TMEM132D: variants seen among roughly 807,000 people sequenced by gnomAD.
The protein encoded by TMEM132D is mature OL transmembrane protein.
TMEM132D carries 21 observed loss-of-function variants against 62.3 expected under a neutral mutation model. The ratio of observed to expected loss-of-function variants is 0.34; its 90% confidence interval spans 0.24 to 0.49. The LOEUF (loss-of-function observed/expected upper bound fraction) is 0.49, where lower values mean the gene tolerates loss of function less well. Among genes scored for constraint, TMEM132D ranks in the 20% least tolerant of loss-of-function variants. The pLI is 0.99. For missense variants in TMEM132D, 1,346 were observed against 1,402.8 expected, an observed-to-expected ratio of 0.96 and a Z score of 0.65; for synonymous variants, 621 against 575.6, an observed-to-expected ratio of 1.08 and a Z score of -1.13.
intron 2 of TMEM132D, among the ~76,000 whole-genome samples, chr12:129,621,234 T>C (rs1879058256): frequency 6.6e-6 from 1 of 152,166 alleles, no homozygotes; most frequent in Non-Finnish European, 1.5e-5. Context: ...GCGCTCTGCA[T>C]AGTGTGCCCT....
At position 129,262,614 on chromosome 12, in the gene TMEM132D, CTT is replaced by C. The variant is rs1449458292; in HGVS notation, c.1300-52953_1300-52952del. ...AAATCTGTATTTTTATGCATAATCT[CTT>C]ATGTTTTGAATACTGATGAGTAATT... On this transcript the variant is annotated intron_variant, in intron 4 of 8. Transcript: ENST00000422113. The C allele has an allele frequency of 3.3e-5, 5 of 152,300 alleles. No individual in the cohort carries two copies. In the South Asian group the frequency reaches 8.3e-4, roughly 25 times the overall value. The allele number at this position is 152,300 out of a possible 1,614,324, so 9.4% of individuals were successfully genotyped here.
At chr12:129,708,916 T>G (rs1000813336) in intron 1 of TMEM132D, among the ~76,000 whole-genome samples, 1 of 152,066 alleles carries the variant, frequency 6.6e-6, no homozygotes, top group Non-Finnish European at 1.5e-5. Context: ...AAAAACCACA[T>G]CACATGTCCT....
At chr12:129,807,243 C>T (rs1872021890) in intron 1 of TMEM132D, among the ~76,000 whole-genome samples, 1 of 152,130 alleles carries the variant, frequency 6.6e-6, no homozygotes, top group South Asian at 2.1e-4. Context: ...AAGCCTGTCC[C>T]CAGGGAGCGG....
intron 1 of TMEM132D, among the ~76,000 whole-genome samples, chr12:129,838,459 C>T (rs1002232042): frequency 1.3e-5 from 2 of 152,220 alleles, no homozygotes; most frequent in Admixed American, 6.5e-5. Context: ...CTTTTCCCTA[C>T]ATCTGATTCC....
chr12:129,852,981 T>G (rs1251338345), intron 1 of TMEM132D: 1 of 152,166 alleles, frequency 6.6e-6, no homozygotes, highest in African/African-American at 2.4e-5. Context: ...AAAATATTAC[T>G]CTTTAATTCA....
At chr12:129,524,920 C>CTCTTT (rs1875968778) in intron 3 of TMEM132D, among the ~76,000 whole-genome samples, 2 of 92,170 alleles carry the variant, frequency 2.2e-5, no homozygotes, top group African/African-American at 8.9e-5. Context: ...ATATTTTTTT[C>CTCTTT]TTTTTTCTTT....
intron 1 of TMEM132D, among the ~76,000 whole-genome samples, chr12:129,776,063 G>T (rs762931850): frequency 1.3e-5 from 2 of 152,050 alleles, no homozygotes; most frequent in Admixed American, 1.3e-4. Flanking sequence ...ATATTGTGTC[G>T]TGCTGGTGAT....
intron 5 of TMEM132D, among the ~76,000 whole-genome samples, chr12:129,140,214 C>CCCCA (rs1876698669): frequency 6.7e-6 from 1 of 148,552 alleles, no homozygotes; most frequent in African/African-American, 2.5e-5. Context: ...GGCGCTGTTA[C>CCCCA]CACACACACA....
chr12:129,870,481 G>A (rs974261971), intron 1 of TMEM132D, among the ~76,000 whole-genome samples: 1 of 152,192 alleles, frequency 6.6e-6, no homozygotes, highest in Non-Finnish European at 1.5e-5. Flanking sequence ...GCTCAGCAGA[G>A]CTTCCTGGTG....
At chr12:129,223,926 T>G (rs959906518) in intron 4 of TMEM132D, among the ~76,000 whole-genome samples, 1 of 152,204 alleles carries the variant, frequency 6.6e-6, no homozygotes, top group Non-Finnish European at 1.5e-5. Flanking sequence ...CTATTGATAT[T>G]TTGGGCTGCA....
At chr12:129,752,895 C>G (rs1416409398) in intron 1 of TMEM132D, among the ~76,000 whole-genome samples, 2 of 152,160 alleles carry the variant, frequency 1.3e-5, no homozygotes, top group African/African-American at 4.8e-5. Flanking sequence ...ATTGACATTT[C>G]CACCAAAACT....
At chr12:129,317,858 T>C (rs1428763074) in intron 4 of TMEM132D, among the ~76,000 whole-genome samples, 2 of 152,190 alleles carry the variant, frequency 1.3e-5, no homozygotes, top group Non-Finnish European at 2.9e-5. Flanking sequence ...TTTTTCTTTG[T>C]CTTTGTTGGG....
At chr12:129,246,410 T>C (rs892513488) in intron 4 of TMEM132D, among the ~76,000 whole-genome samples, 1 of 152,054 alleles carries the variant, frequency 6.6e-6, no homozygotes. Context: ...AAAGAGAAGC[T>C]GAACCTGACG....
At chr12:129,410,997 AT>A (rs56139128) in intron 3 of TMEM132D, among the ~76,000 whole-genome samples, 103,752 of 151,710 alleles carry the variant, frequency 0.68, 36,227 homozygotes, top group East Asian at 0.89. Flanking sequence ...TTCATTTTAA[AT>A]TTTTTTATCA....
At chr12:129,828,770 G>A (rs1472552292) in intron 1 of TMEM132D, among the ~76,000 whole-genome samples, 1 of 112,030 alleles carries the variant, frequency 8.9e-6, no homozygotes, top group African/African-American at 3.3e-5. Context: ...GAGGGAGGGA[G>A]GGAGGAAGAA....
At chr12:129,385,143 G>A (rs1871075051) in intron 3 of TMEM132D, among the ~76,000 whole-genome samples, 1 of 133,428 alleles carries the variant, frequency 7.5e-6, no homozygotes, top group Non-Finnish European at 1.5e-5. Flanking sequence ...CACCCAGGCT[G>A]GAGTGCAGTA....
chr12:129,683,448 G>T (rs12426553), intron 2 of TMEM132D, among the ~76,000 whole-genome samples: 3,330 of 152,270 alleles, frequency 0.022, 168 homozygotes, highest in South Asian at 0.12. Flanking sequence ...TATTTAATGA[G>T]TGCTGGCTAT....
chr12:129,482,448 G>A (rs1874455556), intron 3 of TMEM132D, among the ~76,000 whole-genome samples: 1 of 152,182 alleles, frequency 6.6e-6, no homozygotes, highest in South Asian at 2.1e-4. Flanking sequence ...GTAACAATAT[G>A]TTTAAATACT....
In TMEM132D at chr12:129,827,345, A is replaced by G. The variant is rs1054879746; in HGVS notation, c.79+75916T>C. Among the ~76,000 whole-genome samples, 1 of 152,162 alleles carries G rather than the reference A, an allele frequency of 6.6e-6. No individual in the cohort carries two copies. Among genetic ancestry groups the G allele is most frequent in the Non-Finnish European group, 1.5e-5 (1 of 68,030 alleles). On this transcript the variant is annotated intron_variant, in intron 1 of 8. Transcript: ENST00000422113. This position sits in a 1 kb window ranked among gnomAD's most constrained non-coding sequence, Gnocchi z 9.7. ...GGTCCTCTCCAGTTTCTAAGCCCCA[A>G]ATTCATGGTCACACCCCCAGGCAGA...
Sources: allele counts gnomAD v4.1 joint callset (sites outside exome capture counted in the v4.1 genomes callset), GRCh38; gene constraint gnomAD v4.1.1; non-coding constraint Gnocchi (gnomAD v3.1); transcripts MANE v1.5; gene names NCBI Gene and HGNC (gene_info 2026-07-23, HGNC 2026-07-21).